The following KALRN variants were observed in gnomAD, a reference collection of about 807,000 sequenced individuals.
KALRN encodes the protein kalirin.
Under a neutral mutation model 353.7 loss-of-function variants are expected in KALRN, and 70 were observed. The observed-to-expected ratio is 0.20, with a 90% CI of 0.16 to 0.24. KALRN has a LOEUF of 0.24. Ranked by LOEUF, KALRN falls within the 10% of genes least tolerant of loss-of-function variation. The probability of loss-of-function intolerance (pLI) is 1.00; values close to 1 mark genes in which losing one functional copy is unlikely to be tolerated. For missense variants in KALRN, 2,791 were observed against 3,756.7 expected, an observed-to-expected ratio of 0.74 and a Z score of 6.72; for synonymous variants, 1,391 against 1,434.8, an observed-to-expected ratio of 0.97 and a Z score of 0.69.
chr3:124,500,865 C>T (rs1445637), intron 33 of KALRN, among the ~76,000 whole-genome samples: 76,494 of 151,988 alleles, frequency 0.5, 19,612 homozygotes, highest in African/African-American at 0.58. Flanking sequence ...TACTAAATGG[C>T]GGGGCTTTGC....
chr3:124,501,674 A>G (rs1361917916), intron 33 of KALRN, among the ~76,000 whole-genome samples: 5 of 152,120 alleles, frequency 3.3e-5, no homozygotes, highest in Admixed American at 6.6e-5. Context: ...TCACCTGCAC[A>G]CTGGGAGGCC....
At chr3:124,608,464 G>A (rs1271192146) in intron 34 of KALRN, among the ~76,000 whole-genome samples, 1 of 152,186 alleles carries the variant, frequency 6.6e-6, no homozygotes, top group African/African-American at 2.4e-5. Context: ...GAGGGCAGCT[G>A]AACCAAGGCC....
At chr3:124,191,290 C>T (rs1402342104) in intron 1 of KALRN, among the ~76,000 whole-genome samples, 1 of 151,670 alleles carries the variant, frequency 6.6e-6, no homozygotes, top group Non-Finnish European at 1.5e-5. Flanking sequence ...ATCAACTTAA[C>T]CTTTATTCCC....
chr3:124,721,877 G>A lies in KALRN; in HGVS notation c.*2407G>A, dbSNP rs1379204349. On this transcript the variant is annotated 3_prime_UTR_variant, in exon 60 of 60. Coordinates refer to ENST00000682506, the MANE Select transcript of KALRN (RefSeq NM_001388419.1). ...GGAGGCTGAGGCAGGAGAATCGCTT[G>A]AAACCGGAAGGCGGAGGTTGCCGTG... 2 of 152,282 alleles carry A rather than the reference G, an allele frequency of 1.3e-5. No homozygotes were observed. The highest frequency in any genetic ancestry group is 2.9e-5 in the Non-Finnish European group (2 of 68,116). The allele number at this position is 152,282 out of a possible 1,614,324, so 9.4% of individuals were successfully genotyped here.
intron 34 of KALRN, among the ~76,000 whole-genome samples, chr3:124,617,057 C>T (rs1286979609): frequency 2.0e-5 from 3 of 151,868 alleles, no homozygotes; most frequent in African/African-American, 4.8e-5. Context: ...GTTGGCTGGG[C>T]GTGGTGGCTC....
At chr3:124,476,921 A>T (rs1358381752) in intron 26 of KALRN, among the ~76,000 whole-genome samples, 1 of 152,242 alleles carries the variant, frequency 6.6e-6, no homozygotes. Flanking sequence ...AATCCAAAAA[A>T]GGGTAAAATC....
chr3:124,602,636 G>C (rs980709164), intron 34 of KALRN, among the ~76,000 whole-genome samples: 22 of 152,208 alleles, frequency 1.4e-4, no homozygotes, highest in Admixed American at 1.2e-3. Flanking sequence ...GTGGAAAAGT[G>C]ACACAGGGCT....
At chr3:124,299,090 T>C (rs1199441048) in intron 6 of KALRN, among the ~76,000 whole-genome samples, 177 bp downstream of exon 6, 1 of 152,242 alleles carries the variant, frequency 6.6e-6, no homozygotes, top group Non-Finnish European at 1.5e-5. Context: ...CAGCTGTTCC[T>C]GCAGCAGATT....
rs151270777 is a variant in KALRN, at chr3:124,517,300, C to A, written c.4935+20887C>A. The stretch of plus-strand genomic sequence containing the variant: ...TGGAAGCTCAGGGTAACTGCCACTT[C>A]AGCTTGATGCTGAAGTATTTTCTCT... On this transcript the variant is annotated intron_variant, in intron 33 of 59. Coordinates refer to ENST00000682506, the MANE Select transcript of KALRN (RefSeq NM_001388419.1). Among the ~76,000 whole-genome samples the A allele has an allele frequency of 3.0e-3, 456 of 152,294 alleles. 2 individuals are homozygous for A. The highest frequency in any genetic ancestry group is 0.01 in the African/African-American group (429 of 41,572).
Position 124,489,323 on chromosome 3 carries a change from C to CA in KALRN, c.4396+1011dup, listed in dbSNP as rs1284999057. ...CTCCATCTCAAAAAACAAAAACAAA[C>CA]AAACAAAAAGACTTAACATTTTTAA... On this transcript the variant is annotated intron_variant, in intron 29 of 59. Transcript: ENST00000682506. Among the ~76,000 whole-genome samples the CA allele has an allele frequency of 3.1e-3, 468 of 150,920 alleles. 5 individuals are homozygous for CA. Among genetic ancestry groups the CA allele is most frequent in the African/African-American group, 0.011 (438 of 41,176 alleles).
intron 7 of KALRN, among the ~76,000 whole-genome samples, chr3:124,327,462 A>C (rs757598485): frequency 3.3e-5 from 5 of 152,170 alleles, no homozygotes; most frequent in Non-Finnish European, 7.3e-5. Flanking sequence ...GTGAGAATCA[A>C]CTGGCTACAT....
rs190170727 is a variant in KALRN, at chr3:124,686,246, T to A, written c.7377+6729T>A. Among the ~76,000 whole-genome samples, 52 of 152,344 alleles carry A rather than the reference T, an allele frequency of 3.4e-4. No homozygotes were observed. In the East Asian group the frequency reaches 9.6e-3, roughly 28 times the overall value. Reference sequence around the variant, plus strand: ...CACTCAGGCACTGGGCTCACAATAATAGTAGCTACTACTTAGCAGTCTTTC... The same window carrying A: ...CACTCAGGCACTGGGCTCACAATAAAAGTAGCTACTACTTAGCAGTCTTTC... On this transcript the variant is annotated intron_variant, in intron 51 of 59. Transcript: ENST00000682506.
At chr3:124,286,078 C>CTTTCTTTCTTT (rs1325238279) in intron 5 of KALRN, among the ~76,000 whole-genome samples, 4 of 106,936 alleles carry the variant, frequency 3.7e-5, no homozygotes, top group African/African-American at 7.6e-5. Flanking sequence ...TTCTTTCTTT[C>CTTTCTTTCTTT]CTTCCTTTCT....
intron 1 of KALRN, among the ~76,000 whole-genome samples, chr3:124,054,728 A>G (rs1250119848): frequency 1.3e-5 from 2 of 152,228 alleles, no homozygotes; most frequent in African/African-American, 2.4e-5. Context: ...TCCACTGATG[A>G]ACTAATTTGT....
intron 1 of KALRN, among the ~76,000 whole-genome samples, chr3:124,205,329 G>C (rs2150434378): frequency 1.3e-5 from 2 of 152,316 alleles, no homozygotes; most frequent in Middle Eastern, 6.8e-3. Context: ...ACACCACCAG[G>C]TGTAGATAAC....
chr3:124,451,613 C>T (rs565815657), intron 21 of KALRN, among the ~76,000 whole-genome samples: 9 of 152,172 alleles, frequency 5.9e-5, no homozygotes, highest in East Asian at 1.9e-4. Flanking sequence ...TTAGGTTGAA[C>T]GAGAAAAGAT....
chr3:124,395,588 G>A, intron 12 of KALRN: 3 of 482,776 alleles, frequency 6.2e-6, no homozygotes, highest in South Asian at 3.5e-5. Flanking sequence ...CCATCAGTAA[G>A]TAACATAAAT....
intron 21 of KALRN, among the ~76,000 whole-genome samples, chr3:124,449,589 T>G (rs544312369): frequency 1.8e-4 from 27 of 152,304 alleles, no homozygotes; most frequent in Admixed American, 1.8e-3. Flanking sequence ...TTTTACAAAT[T>G]CCATGGTTTT....
chr3:124,477,425 T>C, intron 27 of KALRN, 91 bp downstream of exon 27: 1 of 979,112 alleles, frequency 1.0e-6, no homozygotes, highest in Non-Finnish European at 1.6e-6. Flanking sequence ...AGCTATCCTT[T>C]TTTCCTAATT....
Sources: gnomAD v4.1 joint callset for allele counts (sites outside exome capture counted in the v4.1 genomes callset) on GRCh38, gnomAD v4.1.1 for gene constraint, MANE v1.5 for transcripts, NCBI Gene and HGNC (gene_info 2026-07-23, HGNC 2026-07-21) for gene names.